CRLS1: variants seen among roughly 807,000 people sequenced by gnomAD.
CRLS1 encodes the protein cardiolipin synthase (CMP-forming).
In CRLS1, 24 loss-of-function variants were observed where a neutral mutation model predicts 37.0. The ratio of observed to expected loss-of-function variants is 0.65; its 90% confidence interval spans 0.47 to 0.91. CRLS1 has a LOEUF of 0.91. CRLS1 is among the 40% of genes least tolerant of loss of function. The probability of loss-of-function intolerance (pLI) is 0.00; values close to 1 mark genes in which losing one functional copy is unlikely to be tolerated. For missense variants in CRLS1, 373 were observed against 395.8 expected (o/e 0.94, Z 0.49); for synonymous variants, 135 against 159.7 (o/e 0.85, Z 1.17).
In CRLS1 at chr20:6,011,687, G is replaced by T. The variant is rs531218581; in HGVS notation, c.444+1775G>T. On this transcript the variant is annotated intron_variant, in intron 2 of 6. Coordinates refer to ENST00000378863, the MANE Select transcript of CRLS1 (RefSeq NM_019095.6). The stretch of plus-strand genomic sequence containing the variant: ...TGCAGCCTCTGCCTCTTGGGTTCCA[G>T]CAGTTCTCCTGCCTCAGCCTCCTGG... Among the ~76,000 whole-genome samples, 11 of 141,496 alleles carry T rather than the reference G, an allele frequency of 7.8e-5. No homozygotes were observed. The South Asian group carries it at 2.5e-3, about 33-fold the overall frequency. The allele number at this position is 141,496 out of a possible 152,430, so 92.8% of individuals were successfully genotyped here.
At position 6,037,958 on chromosome 20, in the gene CRLS1, A is replaced by G. The variant is rs1269821432; in HGVS notation, c.*800A>G. On this transcript the variant is annotated 3_prime_UTR_variant, in exon 7 of 7. Coordinates refer to ENST00000378863, the MANE Select transcript of CRLS1 (RefSeq NM_019095.6). The stretch of plus-strand genomic sequence containing the variant: ...TTCATATTTTATGTAAATAATATCA[A>G]GCTGTATATTTTTCAAAGGTTTTTT... 2.0e-5 allele frequency: 3 copies of G among 152,212 alleles called. No homozygotes were observed. The highest frequency in any genetic ancestry group is 2.9e-5 in the Non-Finnish European group (2 of 68,034). The allele number at this position is 152,212 out of a possible 1,614,324, so 9.4% of individuals were successfully genotyped here.
At position 6,006,371 on chromosome 20, in the gene CRLS1, T is replaced by TG; in HGVS notation, c.128dup (p.Cys44LeufsTer61). On this transcript the variant is annotated frameshift_variant, in exon 1 of 7. Transcript: ENST00000378863. ...CTGCTGCCGCCCGTGCCCTGCTGCT[T>TG]GGGCTGCCTGGCCGAACGCTGGAGG... 1.4e-6 allele frequency: 2 copies of TG among 1,405,720 alleles called. No individual in the cohort carries two copies. The highest frequency in any genetic ancestry group is 1.9e-6 in the Non-Finnish European group (2 of 1,077,846). 87.1% of individuals were successfully genotyped at this position (1,405,720 alleles called of 1,614,324 possible). A position where few individuals can be genotyped will look rare whatever the true frequency, so the allele number is the denominator to read the frequency against.
Position 6,039,482 on chromosome 20 carries a change from T to C in CRLS1, c.*2324T>C, listed in dbSNP as rs967160961. On this transcript the variant is annotated 3_prime_UTR_variant, in exon 7 of 7. Coordinates refer to ENST00000378863, the MANE Select transcript of CRLS1 (RefSeq NM_019095.6). ...AACTTCAGACACCTAGAAATATATA[T>C]AGTGCAGTTCAGTTTTAGTTTCTGC... is the stretch of plus-strand genomic sequence containing the variant. 3.3e-5 allele frequency: 5 copies of C among 152,114 alleles called. No homozygotes were observed. Among genetic ancestry groups the C allele is most frequent in the Admixed American group, 6.6e-5 (1 of 15,248 alleles). 9.4% of individuals were successfully genotyped at this position (152,114 alleles called of 1,614,324 possible). A position where few individuals can be genotyped will look rare whatever the true frequency, so the allele number is the denominator to read the frequency against.
At chr20:6,026,283 C>A (rs1979684578) in intron 3 of CRLS1, 1 of 151,902 alleles carries the variant, frequency 6.6e-6, no homozygotes, top group South Asian at 2.1e-4. Flanking sequence ...ATTAAAGGCT[C>A]AGATGATTGT....
chr20:6,028,820 G>A (rs1321913432), intron 3 of CRLS1: 1 of 152,230 alleles, frequency 6.6e-6, no homozygotes, highest in Non-Finnish European at 1.5e-5. Context: ...AAGTAGGGAG[G>A]AAAACCTGGA....
intron 1 of CRLS1, 118 bp downstream of exon 1, chr20:6,006,670 C>G: frequency 8.3e-7 from 1 of 1,210,380 alleles, no homozygotes; most frequent in Non-Finnish European, 1.0e-6. Context: ...CTTTTAGACT[C>G]TTCCCTGAAA....
chr20:6,011,146 C>T (rs1207695103), intron 2 of CRLS1, among the ~76,000 whole-genome samples: 1 of 152,112 alleles, frequency 6.6e-6, no homozygotes, highest in Non-Finnish European at 1.5e-5. Context: ...TATTCTTGTA[C>T]AAGGTTGGTC....
At chr20:6,031,100 AG>A in intron 3 of CRLS1, 184 bp from the exon 4 acceptor site, 1 of 455,618 alleles carries the variant, frequency 2.2e-6, no homozygotes, top group Non-Finnish European at 3.8e-6. Context: ...GGCGGGTTAA[AG>A]AAGAATATAA....
intron 5 of CRLS1, 85 bp from the exon 6 acceptor site, chr20:6,034,379 G>C: frequency 1.2e-6 from 1 of 857,826 alleles, no homozygotes. Flanking sequence ...ATGTTATAGT[G>C]TGATGGGCTG....
chr20:6,014,924 C>A (rs1268458075), intron 2 of CRLS1, among the ~76,000 whole-genome samples: 1 of 152,042 alleles, frequency 6.6e-6, no homozygotes, highest in Admixed American at 6.5e-5. Context: ...TGGTATTGAG[C>A]AAAATGAGTT....
At chr20:6,024,392 C>A (rs1179858790) in intron 3 of CRLS1, among the ~76,000 whole-genome samples, 1 of 152,164 alleles carries the variant, frequency 6.6e-6, no homozygotes, top group Non-Finnish European at 1.5e-5. Context: ...CAGAGTCATC[C>A]ATGAGGGTTG....
At chr20:6,010,374 A>C (rs907341203) in intron 2 of CRLS1, among the ~76,000 whole-genome samples, 3 of 152,226 alleles carry the variant, frequency 2.0e-5, no homozygotes, top group African/African-American at 7.2e-5. Flanking sequence ...GACCAGAAGC[A>C]TGTAGAAGTC....
chr20:6,024,604 C>G (rs1473728256), intron 3 of CRLS1, among the ~76,000 whole-genome samples: 1 of 152,162 alleles, frequency 6.6e-6, no homozygotes, highest in Non-Finnish European at 1.5e-5. Flanking sequence ...ACATGTCTCT[C>G]ACTTTAAATC....
At chr20:6,022,227 T>C in intron 3 of CRLS1, among the ~76,000 whole-genome samples, 1 of 152,168 alleles carries the variant, frequency 6.6e-6, no homozygotes, top group Non-Finnish European at 1.5e-5. Context: ...AATATTTTTG[T>C]TATGTATAGA....
rs763333020 is a variant in CRLS1, at chr20:6,032,034, A to G, written c.683A>G (p.Asn228Ser). Residue 228 changes from asparagine (N) to serine (S), a missense_variant, in exon 5 of 7, where the codon AAT becomes AGT. Transcript: ENST00000378863. ...CAGCGAACACTTGCCAAGTATTTCA[A>G]TCCTTGCTATGCCACTGCTAGGTTA... ...PTPRTLAKYFNPCYATARLKP... is the reference protein window; with the variant it reads ...PTPRTLAKYFSPCYATARLKP... The G allele has an allele frequency of 2.5e-6, 4 of 1,612,812 alleles. No homozygotes were observed. The highest frequency in any genetic ancestry group is 1.3e-5 in the African/African-American group (1 of 74,922).
intron 2 of CRLS1, among the ~76,000 whole-genome samples, chr20:6,014,335 C>A (rs1395575176): frequency 6.6e-6 from 1 of 152,046 alleles, no homozygotes; most frequent in Admixed American, 6.5e-5. Flanking sequence ...TTTTTTTTAC[C>A]ACGGTCCTGG....
chr20:6,018,249 T>C lies in CRLS1; in HGVS notation c.574+2759T>C, dbSNP rs576783266. Among the ~76,000 whole-genome samples, 4 of 151,752 alleles carry C rather than the reference T, an allele frequency of 2.6e-5. No individual in the cohort carries two copies. In the East Asian group the frequency reaches 5.8e-4, roughly 22 times the overall value. ...AAAAAAAAAAAAAATTATTTTCTTA[T>C]AACTCCATGTTGATATGAAAAAATC... On this transcript the variant is annotated intron_variant, in intron 3 of 6. Coordinates refer to ENST00000378863, the MANE Select transcript of CRLS1 (RefSeq NM_019095.6).
At position 6,031,448 on chromosome 20, in the gene CRLS1, C is replaced by T. The variant is rs1436760701; in HGVS notation, c.660+78C>T. 6.3e-6 allele frequency: 7 copies of T among 1,107,488 alleles called. No individual in the cohort carries two copies. The East Asian group carries it at 1.5e-4, about 23-fold the overall frequency. The allele number at this position is 1,107,488 out of a possible 1,614,324, so 68.6% of individuals were successfully genotyped here. A position where few individuals can be genotyped will look rare whatever the true frequency, so the allele number is the denominator to read the frequency against. On this transcript the variant is annotated intron_variant, in intron 4 of 6. Coordinates refer to ENST00000378863, the MANE Select transcript of CRLS1 (RefSeq NM_019095.6). ...AAAGCAAAAAGACATATTTTTGCGT[C>T]AACATCTTTTCAATTGATGGCACGT...
chr20:6,032,217 C>T (rs1980217481), intron 5 of CRLS1, 137 bp downstream of exon 5: 1 of 640,314 alleles, frequency 1.6e-6, no homozygotes, highest in Non-Finnish European at 2.7e-6. Context: ...TAGCGTTGGG[C>T]AGGCAGTTTT....
Sources: allele counts gnomAD v4.1 joint callset (sites outside exome capture counted in the v4.1 genomes callset), GRCh38; gene constraint gnomAD v4.1.1; transcripts MANE v1.5; gene names NCBI Gene and HGNC (gene_info 2026-07-23, HGNC 2026-07-21).